Variants in DIP2C observed in about 807,000 individuals in gnomAD.
DIP2C encodes DIP2 acetate--CoA ligase C (putative), also known as disco-interacting protein 2 homolog C.
DIP2C carries 33 observed loss-of-function variants against 192.4 expected under a neutral mutation model. That is an observed-to-expected ratio of 0.17 (90% confidence interval 0.13 to 0.23). The LOEUF (loss-of-function observed/expected upper bound fraction) is 0.23, where lower values mean the gene tolerates loss of function less well. Ranked by LOEUF, DIP2C falls within the 10% of genes least tolerant of loss-of-function variation. The pLI is 1.00. For synonymous variants in DIP2C, 979 were observed against 864.1 expected, an observed-to-expected ratio of 1.13 and a Z score of -2.33; for missense variants, 1,537 against 2,110.1, an observed-to-expected ratio of 0.73 and a Z score of 5.32.
intron 4 of DIP2C, among the ~76,000 whole-genome samples, chr10:425,914 A>C (rs1966568761): frequency 6.6e-6 from 1 of 152,258 alleles, no homozygotes; most frequent in Non-Finnish European, 1.5e-5. Context: ...TAGTGTATTT[A>C]ATGGTAAACA....
intron 29 of DIP2C, among the ~76,000 whole-genome samples, chr10:333,263 C>G (rs1957583033): frequency 6.6e-6 from 1 of 152,188 alleles, no homozygotes; most frequent in South Asian, 2.1e-4. Context: ...CTAAGTTTCA[C>G]TCATTTTAAG....
intron 4 of DIP2C, among the ~76,000 whole-genome samples, chr10:433,568 C>T (rs1966936188): frequency 6.6e-6 from 1 of 152,130 alleles, no homozygotes; most frequent in Non-Finnish European, 1.5e-5. Flanking sequence ...GTAGTCCCAG[C>T]TACTCGGGAG....
In DIP2C at chr10:635,794, A is replaced by G. The variant is rs577352011; in HGVS notation, c.85+53700T>C. 3.9e-5 allele frequency among the ~76,000 whole-genome samples: 6 copies of G among 152,316 alleles called. No homozygotes were observed. The South Asian group carries it at 1.0e-3, about 26-fold the overall frequency. On this transcript the variant is annotated intron_variant, in intron 1 of 36. Coordinates refer to ENST00000280886, the MANE Select transcript of DIP2C (RefSeq NM_014974.3). Reference sequence around the variant, plus strand: ...CAGGGAGGCGAGGGCAGAGGTGGCCAAACTGCAGCTCAGTGAAGGGTCTTG... The same window carrying G: ...CAGGGAGGCGAGGGCAGAGGTGGCCGAACTGCAGCTCAGTGAAGGGTCTTG...
At position 475,179 on chromosome 10, in the gene DIP2C, G is replaced by A. The variant is rs577108728; in HGVS notation, c.158-2630C>T. On this transcript the variant is annotated intron_variant, in intron 2 of 36. Transcript: ENST00000280886. ...TAACACACATGGCTGGGAGGAGGAG[G>A]AAAAGCGGCCGCCTGCTTCCTGGAC... 4.6e-5 allele frequency among the ~76,000 whole-genome samples: 7 copies of A among 152,252 alleles called. No homozygotes were observed. In the South Asian group the frequency reaches 1.0e-3, roughly 23 times the overall value.
At chr10:440,229 A>C (rs927719143) in intron 4 of DIP2C, among the ~76,000 whole-genome samples, 1 of 152,230 alleles carries the variant, frequency 6.6e-6, no homozygotes, top group Non-Finnish European at 1.5e-5. Context: ...TACCTTCAGT[A>C]ATTCAGATCG....
At position 275,317 on chromosome 10, in the gene DIP2C, C is replaced by T. The variant is rs893294363; in HGVS notation, c.*2008G>A. On this transcript the variant is annotated 3_prime_UTR_variant, in exon 37 of 37. Transcript: ENST00000280886. ...TTCCCCCCAATGTGTGGTGGTTCCC[C>T]CCTTAGGAAGCAGAGACTAGGAATG... 8 of 152,040 alleles carry T rather than the reference C, an allele frequency of 5.3e-5. No individual in the cohort carries two copies. Among genetic ancestry groups the T allele is most frequent in the African/African-American group, 1.9e-4 (8 of 41,382 alleles). 9.4% of individuals were successfully genotyped at this position (152,040 alleles called of 1,614,324 possible). A position where few individuals can be genotyped will look rare whatever the true frequency, so the allele number is the denominator to read the frequency against.
intron 1 of DIP2C, among the ~76,000 whole-genome samples, chr10:687,733 G>A (rs368986280): frequency 1.3e-5 from 2 of 152,342 alleles, no homozygotes; most frequent in South Asian, 4.1e-4. Context: ...GCAACTGACA[G>A]GCAAGTGTCG....
Position 415,699 on chromosome 10 carries a change from G to GA in DIP2C, c.859+69dup, listed in dbSNP as rs1457864160. 6.3e-6 allele frequency: 10 copies of GA among 1,576,800 alleles called. No individual in the cohort carries two copies. The South Asian group carries it at 9.3e-5, about 15-fold the overall frequency. ...TCTTAAAAAGTAAAATAGCCTTGCA[G>GA]AAAAAAATATCATTGTTTACGGGAC... On this transcript the variant is annotated intron_variant, in intron 7 of 36. Coordinates refer to ENST00000280886, the MANE Select transcript of DIP2C (RefSeq NM_014974.3).
At chr10:517,968 G>T (rs1396737642) in intron 1 of DIP2C, among the ~76,000 whole-genome samples, 2 of 152,172 alleles carry the variant, frequency 1.3e-5, no homozygotes, top group South Asian at 4.1e-4. Context: ...ACCTCCACAG[G>T]AAACTCAACG....
chr10:484,836 A>T (rs781232885), intron 2 of DIP2C: 3 of 1,611,210 alleles, frequency 1.9e-6, no homozygotes, highest in Non-Finnish European at 2.5e-6. Flanking sequence ...CCCGCTCCCG[A>T]GCCGCAGCTT....
intron 1 of DIP2C, among the ~76,000 whole-genome samples, chr10:537,566 T>TC (rs1188234470): frequency 4.3e-5 from 6 of 139,842 alleles, no homozygotes; most frequent in Admixed American, 1.4e-4. Flanking sequence ...CTGCCCCCCG[T>TC]CCCCCTCCCC....
intron 1 of DIP2C, among the ~76,000 whole-genome samples, chr10:659,703 T>G (rs1049543963): frequency 1.3e-5 from 2 of 152,250 alleles, no homozygotes; most frequent in Admixed American, 6.5e-5. Flanking sequence ...AATATACTCG[T>G]TCTTTTCGTT....
At chr10:333,616 T>C (rs758043304) in intron 29 of DIP2C, among the ~76,000 whole-genome samples, 1 of 152,198 alleles carries the variant, frequency 6.6e-6, no homozygotes, top group Non-Finnish European at 1.5e-5. Context: ...AGTCTCTGAG[T>C]GGATGTTCGC....
At chr10:614,504 A>C (rs1319411549) in intron 1 of DIP2C, among the ~76,000 whole-genome samples, 2 of 151,934 alleles carry the variant, frequency 1.3e-5, no homozygotes, top group Non-Finnish European at 2.9e-5. Flanking sequence ...GGATCCCCCC[A>C]CGAGGCTCTC....
intron 1 of DIP2C, among the ~76,000 whole-genome samples, chr10:544,570 TCC>T (rs1385968591): frequency 3.9e-5 from 6 of 152,176 alleles, no homozygotes; most frequent in Non-Finnish European, 7.4e-5. Context: ...ATATACAGAT[TCC>T]AATTTTCCCA....
chr10:524,520 G>A (rs1377431100), intron 1 of DIP2C, among the ~76,000 whole-genome samples: 1 of 152,024 alleles, frequency 6.6e-6, no homozygotes, highest in Non-Finnish European at 1.5e-5. Flanking sequence ...ATGTGCAAAT[G>A]TATAAAACAT....
chr10:539,155 C>T (rs72478223), intron 1 of DIP2C, among the ~76,000 whole-genome samples: 6,411 of 152,330 alleles, frequency 0.042, 213 homozygotes, highest in East Asian at 0.14. Flanking sequence ...ATTCCTATGG[C>T]ATTTCTCATC....
At chr10:485,478 A>AT (rs1843949621) in intron 2 of DIP2C, among the ~76,000 whole-genome samples, 1 of 152,196 alleles carries the variant, frequency 6.6e-6, no homozygotes, top group Admixed American at 6.5e-5. Flanking sequence ...CCACAGAAAC[A>AT]TGTTCACTGT....
intron 30 of DIP2C, among the ~76,000 whole-genome samples, chr10:328,010 A>G (rs1431186139): frequency 6.6e-6 from 1 of 152,188 alleles, no homozygotes; most frequent in Non-Finnish European, 1.5e-5. Context: ...CGAGCCGTGA[A>G]TGTCTGCGTC....
Sources: gnomAD v4.1 joint callset for allele counts (sites outside exome capture counted in the v4.1 genomes callset) on GRCh38, gnomAD v4.1.1 for gene constraint, MANE v1.5 for transcripts, NCBI Gene and HGNC (gene_info 2026-07-23, HGNC 2026-07-21) for gene names.